Variants in ERBB4 observed in about 807,000 individuals in gnomAD.
ERBB4 encodes receptor tyrosine-protein kinase erbB-4.
ERBB4 carries 42 observed loss-of-function variants against 158.0 expected under a neutral mutation model. The ratio of observed to expected loss-of-function variants is 0.27; its 90% CI spans 0.21 to 0.34. The LOEUF (loss-of-function observed/expected upper bound fraction) is 0.34, where lower values mean the gene tolerates loss of function less well. ERBB4 is among the 10% of genes least tolerant of loss of function. The pLI, the probability that ERBB4 is intolerant of heterozygous loss-of-function variation, is 1.00. For synonymous variants in ERBB4, 583 were observed against 558.7 expected (o/e 1.04, Z -0.61); for missense variants, 1,333 against 1,624.1 (o/e 0.82, Z 3.08).
intron 20 of ERBB4, among the ~76,000 whole-genome samples, chr2:211,514,614 T>C (rs938285147): frequency 2.0e-5 from 3 of 152,144 alleles, no homozygotes; most frequent in African/African-American, 4.8e-5. Flanking sequence ...TAGGCTCTAC[T>C]ATAAAAGATG....
At chr2:211,759,863 C>T (rs1468529357) in intron 4 of ERBB4, among the ~76,000 whole-genome samples, 1 of 150,826 alleles carries the variant, frequency 6.6e-6, no homozygotes, top group Non-Finnish European at 1.5e-5. Context: ...CGATGTAATA[C>T]TTTATACAGT....
intron 2 of ERBB4, among the ~76,000 whole-genome samples, chr2:211,997,963 G>A (rs1268654511): frequency 2.0e-5 from 3 of 150,844 alleles, no homozygotes; most frequent in East Asian, 3.9e-4. Flanking sequence ...AATGCAATAC[G>A]TGAAGCTGAA....
intron 1 of ERBB4, among the ~76,000 whole-genome samples, chr2:212,210,783 A>G (rs980337058): frequency 1.3e-5 from 2 of 152,096 alleles, no homozygotes; most frequent in Admixed American, 6.6e-5. Flanking sequence ...TATTCTGGAA[A>G]TACTCTCTGA....
chr2:212,191,559 A>ATACCTGT (rs2082202909), intron 1 of ERBB4, among the ~76,000 whole-genome samples: 1 of 147,236 alleles, frequency 6.8e-6, no homozygotes, highest in African/African-American at 2.5e-5. Context: ...TATGCCTGTT[A>ATACCTGT]TATATAACAC....
At position 211,580,844 on chromosome 2, in the gene ERBB4, T is replaced by TATA. The variant is rs1232460302; in HGVS notation, c.2302-18757_2302-18756insTAT. Among the ~76,000 whole-genome samples the TATA allele has an allele frequency of 3.1e-4, 18 of 58,712 alleles. 2 individuals carry two copies. In the South Asian group the frequency reaches 6.3e-3, roughly 20 times the overall value. 38.5% of individuals were successfully genotyped at this position (58,712 alleles called of 152,430 possible). ...ATATATTATATATATAGATTATATA[T>TATA]TATATATATAGTATGCATATACATA... On this transcript the variant is annotated intron_variant, in intron 19 of 27. Coordinates refer to ENST00000342788, the MANE Select transcript of ERBB4 (RefSeq NM_005235.3).
intron 3 of ERBB4, among the ~76,000 whole-genome samples, chr2:211,852,597 C>T (rs938456989): frequency 1.3e-5 from 2 of 149,980 alleles, no homozygotes; most frequent in African/African-American, 4.9e-5. Context: ...ACAAAAACTA[C>T]ACTAAGTGAG....
In ERBB4 at chr2:211,992,573, A is replaced by G. The variant is rs563736512; in HGVS notation, c.235-44957T>C. ...AGAGAGAGAGAGAGAGAGAGAAAAA[A>G]AAAAAAAACATGAGTTTGTCAGGGG... On this transcript the variant is annotated intron_variant, in intron 2 of 27. Transcript: ENST00000342788. Among the ~76,000 whole-genome samples, 293 of 150,446 alleles carry G rather than the reference A, an allele frequency of 1.9e-3. 3 individuals are homozygous for G. Among genetic ancestry groups the G allele is most frequent in the African/African-American group, 6.1e-3 (245 of 40,250 alleles).
rs2073790983 is a variant in ERBB4, at chr2:211,713,652, AT to A, written c.884-5del. 6.9e-7 allele frequency: 1 copy of A among 1,446,446 alleles called. No individual in the cohort carries two copies. The highest frequency in any genetic ancestry group is 9.6e-7 in the Non-Finnish European group (1 of 1,041,734). The allele number at this position is 1,446,446 out of a possible 1,614,324, so 89.6% of individuals were successfully genotyped here. The stretch of plus-strand genomic sequence containing the variant: ...CTGGAATCTACCACAAAGTTATCTG[AT>A]TAAAAAAAAAAAAAAGGTAAAATAA... On this transcript the variant is annotated splice_polypyrimidine_tract_variant and splice_region_variant and intron_variant, in intron 7 of 27. Transcript: ENST00000342788.
intron 4 of ERBB4, among the ~76,000 whole-genome samples, chr2:211,764,533 T>G (rs2106249019): frequency 6.6e-6 from 1 of 152,312 alleles, no homozygotes; most frequent in East Asian, 1.9e-4. Context: ...AGGCAATTTA[T>G]TTCTATGATA....
At chr2:211,501,758 T>C (rs1386905647) in intron 20 of ERBB4, among the ~76,000 whole-genome samples, 1 of 152,116 alleles carries the variant, frequency 6.6e-6, no homozygotes, top group Non-Finnish European at 1.5e-5. Flanking sequence ...AAATGTATTC[T>C]ATAGCTTTCA....
intron 1 of ERBB4, among the ~76,000 whole-genome samples, chr2:212,171,518 T>C (rs1010122158): frequency 1.3e-5 from 2 of 152,050 alleles, no homozygotes; most frequent in Admixed American, 1.3e-4. Flanking sequence ...AATGATATGG[T>C]TTGGCTCTGG....
chr2:211,759,598 A>G (rs2075360808), intron 4 of ERBB4, among the ~76,000 whole-genome samples: 1 of 152,140 alleles, frequency 6.6e-6, no homozygotes, highest in African/African-American at 2.4e-5. Flanking sequence ...GAGCCTATAA[A>G]GCAGGTTTAC....
rs1394017527 is a variant in ERBB4, at chr2:212,535,230, GCC to G, written c.82+3217_82+3218del. ...AAAAAATAACACCTTCTTCTAAAAA[GCC>G]CCCTTTTATATATATATATATGAGA... is the stretch of plus-strand genomic sequence containing the variant. On this transcript the variant is annotated intron_variant, in intron 1 of 27. Coordinates refer to ENST00000342788, the MANE Select transcript of ERBB4 (RefSeq NM_005235.3). 1.5e-3 allele frequency among the ~76,000 whole-genome samples: 234 copies of G among 151,750 alleles called. 1 individual carries two copies. Among genetic ancestry groups the G allele is most frequent in the Non-Finnish European group, 2.2e-4 (15 of 67,878 alleles).
chr2:212,051,202 T>G (rs2077389821), intron 2 of ERBB4, among the ~76,000 whole-genome samples: 1 of 152,176 alleles, frequency 6.6e-6, no homozygotes, highest in African/African-American at 2.4e-5. Context: ...GTCTGGCATT[T>G]TATTTCTTTG....
At chr2:211,738,164 C>T (rs981021459) in intron 5 of ERBB4, among the ~76,000 whole-genome samples, 1 of 152,038 alleles carries the variant, frequency 6.6e-6, no homozygotes, top group Non-Finnish European at 1.5e-5. Context: ...GTTCCAAGCT[C>T]ATACTTTCTT....
intron 20 of ERBB4, among the ~76,000 whole-genome samples, chr2:211,440,135 G>T: frequency 6.6e-6 from 1 of 152,180 alleles, no homozygotes; most frequent in East Asian, 1.9e-4. Context: ...TGAGTAAAAA[G>T]CTCATCTGCC....
intron 2 of ERBB4, among the ~76,000 whole-genome samples, chr2:212,006,217 A>T (rs2076256136): frequency 1.3e-5 from 2 of 152,164 alleles, no homozygotes; most frequent in South Asian, 4.1e-4. Flanking sequence ...ATTCTTTGAG[A>T]AAAAATAACT....
chr2:212,344,500 A>G (rs1247068287), intron 1 of ERBB4, among the ~76,000 whole-genome samples: 4 of 151,214 alleles, frequency 2.6e-5, no homozygotes, highest in South Asian at 2.1e-4. Flanking sequence ...GTGTGTGTAT[A>G]TGTGTGTGCA....
intron 1 of ERBB4, among the ~76,000 whole-genome samples, chr2:212,393,012 G>A (rs1213426907): frequency 1.3e-5 from 2 of 151,858 alleles, no homozygotes; most frequent in African/African-American, 4.8e-5. Context: ...AGATAACCAG[G>A]GGAACTACAA....
Sources: allele counts gnomAD v4.1 joint callset (sites outside exome capture counted in the v4.1 genomes callset), GRCh38; gene constraint gnomAD v4.1.1; transcripts MANE v1.5; gene names NCBI Gene and HGNC (gene_info 2026-07-23, HGNC 2026-07-21).